The following TOX variants were observed in gnomAD, a reference collection of about 807,000 sequenced individuals.
TOX encodes thymocyte selection associated high mobility group box.
In TOX, 11 loss-of-function variants were observed where a neutral mutation model predicts 53.7. The ratio of observed to expected loss-of-function variants is 0.20; its 90% confidence interval spans 0.13 to 0.34. The LOEUF is 0.34. TOX is among the 10% of genes least tolerant of loss of function. The pLI is 1.00. For synonymous variants in TOX, 225 were observed against 245.3 expected (o/e 0.92, Z 0.77); for missense variants, 570 against 664.6 (o/e 0.86, Z 1.56).
At chr8:58,956,112 T>A (rs940795681) in intron 2 of TOX, among the ~76,000 whole-genome samples, 8 of 152,090 alleles carry the variant, frequency 5.3e-5, no homozygotes, top group African/African-American at 1.9e-4. Context: ...AACTGAAAAA[T>A]CAAATAAAAT....
At chr8:58,824,738 T>C (rs935047942) in intron 6 of TOX, among the ~76,000 whole-genome samples, 1 of 152,224 alleles carries the variant, frequency 6.6e-6, no homozygotes, top group Admixed American at 6.5e-5. Flanking sequence ...ACGATTTCCC[T>C]TGACGAAAGA....
chr8:59,045,021 T>C (rs1803659334), intron 1 of TOX, among the ~76,000 whole-genome samples: 1 of 152,232 alleles, frequency 6.6e-6, no homozygotes, highest in Admixed American at 6.5e-5. Flanking sequence ...TAAGCAAAAA[T>C]AGTGCACACT....
chr8:58,866,869 C>T (rs191979168), intron 3 of TOX, among the ~76,000 whole-genome samples: 1 of 152,240 alleles, frequency 6.6e-6, no homozygotes, highest in Admixed American at 6.5e-5. Context: ...CAAAGTTCCT[C>T]TGTATTGTAT....
At chr8:59,107,933 C>G (rs1315224588) in intron 1 of TOX, among the ~76,000 whole-genome samples, 1 of 152,162 alleles carries the variant, frequency 6.6e-6, no homozygotes, top group African/African-American at 2.4e-5. Context: ...GGGTTTCTCT[C>G]GCTCTCTCCT....
intron 1 of TOX, among the ~76,000 whole-genome samples, chr8:59,085,469 G>C (rs1252182077): frequency 6.6e-6 from 1 of 151,632 alleles, no homozygotes; most frequent in Non-Finnish European, 1.5e-5. Context: ...GCTCACTACA[G>C]ACCCAACCTC....
At chr8:58,949,541 C>T (rs189884779) in intron 2 of TOX, among the ~76,000 whole-genome samples, 22 of 152,038 alleles carry the variant, frequency 1.4e-4, no homozygotes, top group Admixed American at 1.2e-3. Context: ...AAAATGAGGT[C>T]CAGAGAGGTT....
At chr8:58,913,505 CT>C (rs1468546043) in intron 3 of TOX, among the ~76,000 whole-genome samples, 1 of 152,160 alleles carries the variant, frequency 6.6e-6, no homozygotes, top group East Asian at 1.9e-4. Context: ...AGAATGTGCT[CT>C]TGATGAATGC....
chr8:58,995,784 A>G (rs1813549126), intron 1 of TOX, among the ~76,000 whole-genome samples: 1 of 152,212 alleles, frequency 6.6e-6, no homozygotes, highest in Admixed American at 6.5e-5. Context: ...TTTGTACCTC[A>G]GTGACTGATG....
chr8:58,983,534 T>C (rs1338081827), intron 1 of TOX, among the ~76,000 whole-genome samples: 1 of 152,242 alleles, frequency 6.6e-6, no homozygotes, highest in East Asian at 1.9e-4. Context: ...GAGATCATGA[T>C]ATTGCCAAAC....
At chr8:59,021,199 CA>C (rs1814121967) in intron 1 of TOX, among the ~76,000 whole-genome samples, 2 of 142,382 alleles carry the variant, frequency 1.4e-5, no homozygotes, top group Non-Finnish European at 3.1e-5. Context: ...AACTTTTTAA[CA>C]AAGGGATAAT....
At position 58,908,231 on chromosome 8, in the gene TOX, C is replaced by A. The variant is rs1472740216; in HGVS notation, c.411+31071G>T. Among the ~76,000 whole-genome samples the A allele has an allele frequency of 5.3e-5, 8 of 152,132 alleles. 1 individual carries two copies. The highest frequency in any genetic ancestry group is 5.2e-4 in the Admixed American group (8 of 15,276). On this transcript the variant is annotated intron_variant, in intron 3 of 8. Transcript: ENST00000361421. Reference sequence around the variant, plus strand: ...TGATCTAAAATCCTTCATCATAGAACTGTACAGTAATAGCACAGATGGGGA... The same window carrying A: ...TGATCTAAAATCCTTCATCATAGAAATGTACAGTAATAGCACAGATGGGGA...
chr8:58,950,173 C>T (rs986595511), intron 2 of TOX, among the ~76,000 whole-genome samples: 30 of 136,994 alleles, frequency 2.2e-4, no homozygotes, highest in Admixed American at 4.5e-4. Context: ...TTCATATACA[C>T]GTGTAATATA....
At chr8:58,900,820 A>C (rs894887549) in intron 3 of TOX, among the ~76,000 whole-genome samples, 4 of 152,142 alleles carry the variant, frequency 2.6e-5, no homozygotes, top group Admixed American at 6.5e-5. Context: ...AATTAAGATA[A>C]AATAAAGATC....
chr8:58,829,496 G>A (rs949349760), intron 5 of TOX, among the ~76,000 whole-genome samples: 2 of 152,126 alleles, frequency 1.3e-5, no homozygotes, highest in African/African-American at 4.8e-5. Context: ...ACTCTTTCCT[G>A]AATAGCTGCA....
intron 3 of TOX, among the ~76,000 whole-genome samples, chr8:58,891,755 C>T (rs956890353): frequency 2.0e-4 from 31 of 152,158 alleles, no homozygotes; most frequent in African/African-American, 6.3e-4. Flanking sequence ...TGAATCTGAA[C>T]ATGATTTTAA....
chr8:59,040,756 T>C (rs1803567676), intron 1 of TOX, among the ~76,000 whole-genome samples: 1 of 152,206 alleles, frequency 6.6e-6, no homozygotes, highest in Admixed American at 6.5e-5. Flanking sequence ...AAATCAGAAC[T>C]GCCTTTAGAG....
intron 1 of TOX, among the ~76,000 whole-genome samples, chr8:59,070,506 A>AACACACACAC (rs371344375): frequency 0.011 from 1,551 of 140,190 alleles, 14 homozygotes; most frequent in Middle Eastern, 0.041. Flanking sequence ...TGTCAAGGAA[A>AACACACACAC]ACACACACAC....
At chr8:58,856,268 T>A (rs1469418885) in intron 3 of TOX, among the ~76,000 whole-genome samples, 1 of 152,204 alleles carries the variant, frequency 6.6e-6, no homozygotes, top group South Asian at 2.1e-4. Flanking sequence ...TATACTTTCT[T>A]TATGGGACAC....
intron 4 of TOX, among the ~76,000 whole-genome samples, chr8:58,839,394 T>C (rs1810606043): frequency 6.6e-6 from 1 of 152,244 alleles, no homozygotes; most frequent in South Asian, 2.1e-4. Context: ...AAAAGGTTTT[T>C]ACTCAATTTA....
Sources: allele counts gnomAD v4.1 joint callset (sites outside exome capture counted in the v4.1 genomes callset), GRCh38; gene constraint gnomAD v4.1.1; transcripts MANE v1.5; gene names NCBI Gene and HGNC (gene_info 2026-07-23, HGNC 2026-07-21).